The following PRR11 variants were observed in gnomAD, a reference collection of about 807,000 sequenced individuals.
PRR11 encodes proline rich 11, also known as proline-rich protein 11.
PRR11 carries 30 observed loss-of-function variants against 45.6 expected under a neutral mutation model. The observed-to-expected ratio is 0.66, with a 90% CI of 0.49 to 0.89. The LOEUF is 0.89. Ranked by LOEUF, PRR11 falls within the 40% of genes least tolerant of loss-of-function variation. The probability of loss-of-function intolerance (pLI) is 0.00; values close to 1 mark genes in which losing one functional copy is unlikely to be tolerated. For missense variants in PRR11, 373 were observed against 424.8 expected, an observed-to-expected ratio of 0.88 and a Z score of 1.07; for synonymous variants, 128 against 153.5, an observed-to-expected ratio of 0.83 and a Z score of 1.23.
chr17:59,190,832 A>C (rs2046837274), intron 4 of PRR11, among the ~76,000 whole-genome samples: 1 of 152,228 alleles, frequency 6.6e-6, no homozygotes, highest in South Asian at 2.1e-4. Flanking sequence ...GGCCTGGGTT[A>C]TGTGTCTAGT....
At chr17:59,188,046 C>T (rs896210605) in intron 4 of PRR11, among the ~76,000 whole-genome samples, 1 of 152,086 alleles carries the variant, frequency 6.6e-6, no homozygotes, top group South Asian at 2.1e-4. Flanking sequence ...CATCTCATTT[C>T]GCTAAAACAT....
chr17:59,200,260 T>C lies in PRR11; in HGVS notation c.1015-1303T>C, dbSNP rs537442383. 6.6e-5 allele frequency among the ~76,000 whole-genome samples: 10 copies of C among 152,294 alleles called. No homozygotes were observed. In the East Asian group the frequency reaches 1.7e-3, roughly 26 times the overall value. ...TGAAGCAACTGTATCAGGTTTTGCA[T>C]TGGCTTCAGGTATCAGAAATCTGAC... On this transcript the variant is annotated intron_variant, in intron 9 of 9. Transcript: ENST00000262293.
At chr17:59,163,989 TG>T (rs994054383) in intron 1 of PRR11, among the ~76,000 whole-genome samples, 1 of 151,906 alleles carries the variant, frequency 6.6e-6, no homozygotes, top group African/African-American at 2.4e-5. Flanking sequence ...CACTTGAACT[TG>T]GGGGGTGGGC....
chr17:59,173,277 C>G lies in PRR11; in HGVS notation c.128+3397C>G, dbSNP rs193288081. 2.7e-3 allele frequency among the ~76,000 whole-genome samples: 407 copies of G among 152,328 alleles called. 2 individuals are homozygous for G. Among genetic ancestry groups the G allele is most frequent in the African/African-American group, 7.0e-3 (292 of 41,568 alleles). On this transcript the variant is annotated intron_variant, in intron 2 of 9. Coordinates refer to ENST00000262293, the MANE Select transcript of PRR11 (RefSeq NM_018304.4). ...TCGGCTCTCTGTAAAATGGACCAATCAGCAGGATGTGGGTGGGGCCAGATA... is the reference window on the plus strand; with the variant it reads ...TCGGCTCTCTGTAAAATGGACCAATGAGCAGGATGTGGGTGGGGCCAGATA...
At position 59,193,532 on chromosome 17, in the gene PRR11, C is replaced by T. The variant is rs140528497; in HGVS notation, c.443C>T (p.Thr148Ile). 729 of 1,614,018 alleles carry T rather than the reference C, an allele frequency of 4.5e-4. No homozygotes were observed. The highest frequency in any genetic ancestry group is 6.0e-4 in the Non-Finnish European group (710 of 1,180,014). ...TCTTCCTGTCCAAGCTGTGGTCAAA[C>T]ATGTCACATGAGTGGTAAACTTACA... is the stretch of plus-strand genomic sequence containing the variant. Reference protein sequence around the residue: ...ESSSCPSCGQTCHMSGKLTNV... With the variant: ...ESSSCPSCGQICHMSGKLTNV... The change falls in exon 5 of 10, where the codon ACA (threonine) becomes ATA (isoleucine). Residue 148 changes from threonine to isoleucine, a missense_variant. By Grantham distance (89) the Thr-to-Ile change is moderately conservative. Coordinates refer to ENST00000262293, the MANE Select transcript of PRR11 (RefSeq NM_018304.4).
chr17:59,179,400 A>G (rs2046768274), intron 2 of PRR11, among the ~76,000 whole-genome samples: 1 of 152,116 alleles, frequency 6.6e-6, no homozygotes, highest in African/African-American at 2.4e-5. Flanking sequence ...GCCTGCCAAC[A>G]TGCTGGGATC....
At chr17:59,191,009 AG>A (rs1299482892) in intron 4 of PRR11, among the ~76,000 whole-genome samples, 1 of 152,144 alleles carries the variant, frequency 6.6e-6, no homozygotes, top group African/African-American at 2.4e-5. Context: ...TGGCTCCTAC[AG>A]GATACATTCC....
chr17:59,165,027 TG>T (rs1349344866), intron 1 of PRR11, among the ~76,000 whole-genome samples: 1 of 152,170 alleles, frequency 6.6e-6, no homozygotes, highest in Non-Finnish European at 1.5e-5. Context: ...TTTTTTGTTT[TG>T]TTTTGTTTTT....
intron 4 of PRR11, 73 bp downstream of exon 4, chr17:59,185,635 T>G: frequency 7.8e-7 from 1 of 1,283,450 alleles, no homozygotes. Context: ...ACTATTGCAA[T>G]AGGGAAAATG....
rs565719910 is a variant in PRR11 at position 59,161,447 on chromosome 17, A to C, written c.-6+5642A>C. On this transcript the variant is annotated intron_variant, in intron 1 of 9. Coordinates refer to ENST00000262293, the MANE Select transcript of PRR11 (RefSeq NM_018304.4). ...AACAAAAACATAAAACAAAAAAAAA[A>C]ACACACACACAAAACATAAGGGCCG... 5.2e-3 allele frequency among the ~76,000 whole-genome samples: 792 copies of C among 151,694 alleles called. 1 individual carries two copies. Among genetic ancestry groups the C allele is most frequent in the African/African-American group, 7.4e-3 (305 of 41,402 alleles).
chr17:59,165,743 G>C (rs2046676815), intron 1 of PRR11, among the ~76,000 whole-genome samples: 1 of 151,986 alleles, frequency 6.6e-6, no homozygotes, highest in Admixed American at 6.6e-5. Flanking sequence ...GGTGAGCCGA[G>C]ATCGTGCCAT....
intron 2 of PRR11, among the ~76,000 whole-genome samples, chr17:59,173,078 C>T (rs1307698750): frequency 1.3e-5 from 2 of 152,230 alleles, no homozygotes; most frequent in African/African-American, 2.4e-5. Flanking sequence ...TTTGTAAACA[C>T]ACCAATCAAC....
chr17:59,187,905 A>G (rs1192135026), intron 4 of PRR11, among the ~76,000 whole-genome samples: 2 of 151,868 alleles, frequency 1.3e-5, no homozygotes, highest in Non-Finnish European at 2.9e-5. Flanking sequence ...GTGTGGTACC[A>G]GTGACAAAGC....
At chr17:59,184,894 G>A (rs958371920) in intron 2 of PRR11, among the ~76,000 whole-genome samples, 160 bp from the exon 3 acceptor site, 3 of 64,400 alleles carry the variant, frequency 4.7e-5, no homozygotes, top group Non-Finnish European at 8.4e-5. Flanking sequence ...ACAGGGTTTT[G>A]CCATGTTGCC....
Position 59,201,757 on chromosome 17 carries a change from G to T in PRR11, c.*126G>T. 2 of 959,056 alleles carry T rather than the reference G, an allele frequency of 2.1e-6. No homozygotes were observed. Among genetic ancestry groups the T allele is most frequent in the South Asian group, 1.3e-5 (1 of 75,132 alleles). 59.4% of individuals were successfully genotyped at this position (959,056 alleles called of 1,614,324 possible). On this transcript the variant is annotated 3_prime_UTR_variant, in exon 10 of 10. Transcript: ENST00000262293. ...AGGCTGAGGCAGGTGGATCACCTGA[G>T]GTCAGGAGTTTGAGACCAGCCTGGC...
intron 2 of PRR11, among the ~76,000 whole-genome samples, chr17:59,172,539 G>C (rs562802259): frequency 3.3e-5 from 5 of 152,248 alleles, no homozygotes; most frequent in Non-Finnish European, 7.3e-5. Flanking sequence ...GGCACGGGCG[G>C]GAACCGGGGC....
rs910420828 is a variant in PRR11, at chr17:59,203,535, A to G, written c.*1904A>G. 3 of 152,180 alleles carry G rather than the reference A, an allele frequency of 2.0e-5. No homozygotes were observed. Among genetic ancestry groups the G allele is most frequent in the Admixed American group, 2.0e-4 (3 of 15,272 alleles). The allele number at this position is 152,180 out of a possible 1,614,324, so 9.4% of individuals were successfully genotyped here. A position where few individuals can be genotyped will look rare whatever the true frequency, so the allele number is the denominator to read the frequency against. ...CCACCACGCCCGGCCAGAGATCCAC[A>G]TCTATATTTATAACACATTTATGGA... On this transcript the variant is annotated 3_prime_UTR_variant, in exon 10 of 10. Transcript: ENST00000262293.
chr17:59,165,317 C>T (rs1378505082), intron 1 of PRR11, among the ~76,000 whole-genome samples: 1 of 151,698 alleles, frequency 6.6e-6, no homozygotes, highest in African/African-American at 2.4e-5. Context: ...ACCGCGCGTC[C>T]GGTCTGGTTT....
In PRR11 at chr17:59,185,152, G is replaced by A. The variant is rs776313602; in HGVS notation, c.227G>A (p.Trp76Ter). The A allele has an allele frequency of 1.3e-6, 2 of 1,597,950 alleles. No homozygotes were observed. The highest frequency in any genetic ancestry group is 3.4e-5 in the Admixed American group (2 of 59,358). The change falls in exon 3 of 10, where the codon TGG becomes TAG. Residue 76 changes from tryptophan to a stop codon, truncating the protein, a stop_gained. Coordinates refer to ENST00000262293, the MANE Select transcript of PRR11 (RefSeq NM_018304.4). LOFTEE classifies it high-confidence loss of function. Reference protein sequence around the residue: ...FPNIRDAIKLWTNRVWSIYSW... With the variant: ...FPNIRDAIKL ...AACATCAGAGATGCAATAAAACTTT[G>A]GACAAATAGAGTATGGTCTATATAC... is the stretch of plus-strand genomic sequence containing the variant.
Sources: gnomAD v4.1 joint callset for allele counts (sites outside exome capture counted in the v4.1 genomes callset) on GRCh38, gnomAD v4.1.1 for gene constraint, MANE v1.5 for transcripts, NCBI Gene and HGNC (gene_info 2026-07-23, HGNC 2026-07-21) for gene names.